The following GRM8 variants were observed in gnomAD, a reference collection of about 807,000 sequenced individuals.
GRM8 encodes the protein glutamate metabotropic receptor 8.
A neutral mutation model predicts 87.2 loss-of-function variants in GRM8; 47 were observed. The observed-to-expected ratio is 0.54, with a 90% CI of 0.43 to 0.69. The LOEUF is 0.69. Among genes scored for constraint, GRM8 ranks in the 30% least tolerant of loss-of-function variants. The pLI is 0.00. For synonymous variants in GRM8, 396 were observed against 404.5 expected (o/e 0.98, Z 0.25); for missense variants, 1,019 against 1,139.2 (o/e 0.89, Z 1.52).
At chr7:127,235,220 A>G (rs1797914316) in intron 2 of GRM8, among the ~76,000 whole-genome samples, 1 of 152,200 alleles carries the variant, frequency 6.6e-6, no homozygotes, top group Admixed American at 6.5e-5. Context: ...TCACTTCAGG[A>G]TTTCAGGCCA....
intron 9 of GRM8, among the ~76,000 whole-genome samples, chr7:126,474,071 T>A (rs1337598736): frequency 6.6e-6 from 1 of 152,196 alleles, no homozygotes; most frequent in African/African-American, 2.4e-5. Context: ...ATATTCATTG[T>A]TCTCTCAGCA....
At chr7:126,645,650 T>C (rs987600025) in intron 7 of GRM8, among the ~76,000 whole-genome samples, 1 of 152,198 alleles carries the variant, frequency 6.6e-6, no homozygotes, top group South Asian at 2.1e-4. Context: ...GAAGAACCCA[T>C]TGAGTGACCA....
At chr7:127,064,284 G>C (rs1820893387) in intron 3 of GRM8, among the ~76,000 whole-genome samples, 1 of 152,116 alleles carries the variant, frequency 6.6e-6, no homozygotes, top group Non-Finnish European at 1.5e-5. Flanking sequence ...CTAAGAACTT[G>C]CTTCATGAAT....
At chr7:127,156,408 C>A (rs961711294) in intron 2 of GRM8, among the ~76,000 whole-genome samples, 1 of 152,266 alleles carries the variant, frequency 6.6e-6, no homozygotes, top group Non-Finnish European at 1.5e-5. Context: ...TAGGACTTGA[C>A]AACCAAGTAG....
At chr7:126,567,427 A>G (rs548148551) in intron 8 of GRM8, among the ~76,000 whole-genome samples, 244 of 144,638 alleles carry the variant, frequency 1.7e-3, no homozygotes, top group Non-Finnish European at 2.4e-3. Context: ...GGGAGGGGGG[A>G]GGGATAGCAT....
chr7:127,146,387 G>A (rs756149636), intron 2 of GRM8, among the ~76,000 whole-genome samples: 37 of 151,944 alleles, frequency 2.4e-4, no homozygotes, highest in Non-Finnish European at 4.4e-4. Flanking sequence ...GTGGTTCCCA[G>A]AGCTATGGCT....
chr7:126,631,736 C>A (rs6651324), intron 7 of GRM8, among the ~76,000 whole-genome samples: 1 of 152,148 alleles, frequency 6.6e-6, no homozygotes, highest in East Asian at 1.9e-4. Flanking sequence ...CACACATTTA[C>A]AACCATCTTA....
intron 3 of GRM8, among the ~76,000 whole-genome samples, chr7:126,932,842 A>G (rs1563329152): frequency 6.6e-6 from 1 of 152,192 alleles, no homozygotes; most frequent in Non-Finnish European, 1.5e-5. Flanking sequence ...TGTGATTCAG[A>G]TTGTGGAGGC....
In GRM8 at chr7:126,829,120, A is replaced by C. The variant is rs560844224; in HGVS notation, c.1157-59055T>G. Among the ~76,000 whole-genome samples the C allele has an allele frequency of 1.1e-4, 17 of 151,366 alleles. No homozygotes were observed. In the South Asian group the frequency reaches 3.6e-3, roughly 32 times the overall value. On this transcript the variant is annotated intron_variant, in intron 6 of 10. Transcript: ENST00000339582. ...ATTTGCTGAGGAGAGCTTTACTTCC[A>C]ACTATGCGGTCAATTTTGGAATAGG...
In GRM8 at chr7:126,533,703, TGATCCAGAGGGCAAA is replaced by T. The variant is rs1288420467; in HGVS notation, c.1664_1678del (p.Leu555_Asp559del). On this transcript the variant is annotated inframe_deletion, in exon 9 of 11. Transcript: ENST00000339582. ...GCCTGTGCGGTTCATGTTGGGTCTC[TGATCCAGAGGGCAAA>T]GTTCACAGGACAGCTCATCCACCTG... is the stretch of plus-strand genomic sequence containing the variant. 6.2e-7 allele frequency: 1 copy of T among 1,614,134 alleles called. No homozygotes were observed. The highest frequency in any genetic ancestry group is 1.7e-5 in the Admixed American group (1 of 60,024).
intron 3 of GRM8, among the ~76,000 whole-genome samples, chr7:126,909,574 T>C (rs1803076490): frequency 6.6e-6 from 1 of 152,224 alleles, no homozygotes; most frequent in Non-Finnish European, 1.5e-5. Context: ...CAAAATGTTA[T>C]ATGAAGGAAT....
At chr7:126,484,454 C>T (rs1807113005) in intron 9 of GRM8, among the ~76,000 whole-genome samples, 1 of 151,866 alleles carries the variant, frequency 6.6e-6, no homozygotes, top group South Asian at 2.1e-4. Context: ...AAGAAGTGCT[C>T]ATCTATCATT....
intron 6 of GRM8, among the ~76,000 whole-genome samples, chr7:126,846,451 T>C (rs1251990421): frequency 6.6e-6 from 1 of 152,194 alleles, no homozygotes; most frequent in Non-Finnish European, 1.5e-5. Context: ...CTAAGCAACA[T>C]TATAGGAGGG....
chr7:126,487,668 C>T lies in GRM8; in HGVS notation c.2431-41296G>A, dbSNP rs950727882. ...TGATTTCCTAATATCATACATTTCT[C>T]ATTTGGTAAACATTCGTACACTGAG... On this transcript the variant is annotated intron_variant, in intron 9 of 10. Coordinates refer to ENST00000339582, the MANE Select transcript of GRM8 (RefSeq NM_000845.3). 5.3e-5 allele frequency among the ~76,000 whole-genome samples: 8 copies of T among 151,920 alleles called. No homozygotes were observed. In the East Asian group the frequency reaches 1.6e-3, roughly 29 times the overall value.
At chr7:127,200,673 G>C (rs1270480325) in intron 2 of GRM8, among the ~76,000 whole-genome samples, 1 of 152,158 alleles carries the variant, frequency 6.6e-6, no homozygotes, top group Non-Finnish European at 1.5e-5. Flanking sequence ...CTTGCCTCCT[G>C]GATGTATCAC....
At chr7:127,027,226 TG>T (rs1816877486) in intron 3 of GRM8, among the ~76,000 whole-genome samples, 1 of 152,238 alleles carries the variant, frequency 6.6e-6, no homozygotes, top group South Asian at 2.1e-4. Context: ...CATGCTGTTT[TG>T]GTTACCGCAG....
chr7:126,913,207 G>A (rs1411787352), intron 3 of GRM8, among the ~76,000 whole-genome samples: 1 of 152,102 alleles, frequency 6.6e-6, no homozygotes, highest in Admixed American at 6.5e-5. Context: ...TACTAAGTGT[G>A]CATTTTTAAA....
At chr7:126,801,020 A>C (rs1822613821) in intron 6 of GRM8, among the ~76,000 whole-genome samples, 1 of 152,130 alleles carries the variant, frequency 6.6e-6, no homozygotes, top group African/African-American at 2.4e-5. Context: ...ATTTGAAATA[A>C]ATTTTTAAAA....
At chr7:126,606,669 C>A (rs908026387) in intron 8 of GRM8, among the ~76,000 whole-genome samples, 2 of 152,144 alleles carry the variant, frequency 1.3e-5, no homozygotes, top group Non-Finnish European at 2.9e-5. Flanking sequence ...ATTGTTTTTT[C>A]TTCTAAGAGA....
Sources: gnomAD v4.1 joint callset for allele counts (sites outside exome capture counted in the v4.1 genomes callset) on GRCh38, gnomAD v4.1.1 for gene constraint, MANE v1.5 for transcripts, NCBI Gene and HGNC (gene_info 2026-07-23, HGNC 2026-07-21) for gene names.